Variants in ATF7IP observed in about 807,000 individuals in gnomAD.
ATF7IP encodes the protein activating transcription factor 7-interacting protein 1.
A neutral mutation model predicts 106.4 loss-of-function variants in ATF7IP; 23 were observed. The ratio of observed to expected loss-of-function variants is 0.22; its 90% CI spans 0.16 to 0.31. ATF7IP has a LOEUF of 0.31. Ranked by LOEUF, ATF7IP falls within the 10% of genes least tolerant of loss-of-function variation. The probability of loss-of-function intolerance (pLI) is 1.00; values close to 1 mark genes in which losing one functional copy is unlikely to be tolerated. For missense variants in ATF7IP, 1,334 were observed against 1,524.3 expected (o/e 0.88, Z 2.08); for synonymous variants, 542 against 539.0 (o/e 1.01, Z -0.08).
At chr12:14,403,324 G>A (rs76654603) in intron 1 of ATF7IP, among the ~76,000 whole-genome samples, 1,978 of 151,850 alleles carry the variant, frequency 0.013, 20 homozygotes, top group Middle Eastern at 0.02. Context: ...GAAAAACAGT[G>A]CAGTTTAGGA....
At chr12:14,383,082 T>C (rs1939063597) in intron 1 of ATF7IP, among the ~76,000 whole-genome samples, 1 of 152,216 alleles carries the variant, frequency 6.6e-6, no homozygotes, top group Non-Finnish European at 1.5e-5. Flanking sequence ...AGAACCAATG[T>C]GTGAAGGGAT....
At position 14,459,609 on chromosome 12, in the gene ATF7IP, G is replaced by A. The variant is rs191732462; in HGVS notation, c.2159-886G>A. 2.8e-4 allele frequency among the ~76,000 whole-genome samples: 43 copies of A among 152,252 alleles called. No homozygotes were observed. The East Asian group carries it at 7.5e-3, about 27-fold the overall frequency. On this transcript the variant is annotated intron_variant, in intron 8 of 14. Transcript: ENST00000261168. ...TTAAACAGTCAAATAATGTCTCATT[G>A]TTATGAAAATAGTTTTGACATTGCA...
Position 14,424,604 on chromosome 12 carries a change from C to T in ATF7IP, c.689C>T (p.Ala230Val), listed in dbSNP as rs750397855. The T allele has an allele frequency of 6.2e-7, 1 of 1,614,110 alleles. No individual in the cohort carries two copies. Among genetic ancestry groups the T allele is most frequent in the South Asian group, 1.1e-5 (1 of 91,082 alleles). The part of the protein sequence containing the change: ...ISGDCAADDI[A>V]SSEITSVDLA... The stretch of plus-strand genomic sequence containing the variant: ...GGTGATTGTGCCGCTGATGATATAG[C>T]CTCTAGTGAAATAACTTCTGTTGAT... The change falls in exon 2 of 15, where the codon GCC becomes GTC. Residue 230 changes from alanine (A) to valine (V), a missense_variant. Physicochemically the swap from Ala to Val is moderately conservative, Grantham distance 64. Transcript: ENST00000261168.
chr12:14,411,077 T>C (rs1359308535), intron 1 of ATF7IP, among the ~76,000 whole-genome samples: 2 of 152,236 alleles, frequency 1.3e-5, no homozygotes, highest in Non-Finnish European at 2.9e-5. Flanking sequence ...TGCGTAGTGC[T>C]TCTATAAAGC....
intron 6 of ATF7IP, among the ~76,000 whole-genome samples, chr12:14,452,823 C>T (rs561577562): frequency 3.9e-5 from 6 of 152,138 alleles, no homozygotes; most frequent in Admixed American, 2.0e-4. Context: ...TTTTTGTATG[C>T]TTCCATGATG....
At chr12:14,479,515 G>C (rs557728048) in intron 12 of ATF7IP, among the ~76,000 whole-genome samples, 2 of 152,092 alleles carry the variant, frequency 1.3e-5, no homozygotes, top group Non-Finnish European at 2.9e-5. Context: ...TTTAAGTGGG[G>C]TTTTATCCAG....
rs11613561 is a variant in ATF7IP at position 14,423,651 on chromosome 12, A to T, written c.-7-258A>T. 1,261 of 191,842 alleles carry T rather than the reference A, an allele frequency of 6.6e-3. 8 individuals carry two copies. The highest frequency in any genetic ancestry group is 9.2e-3 in the Non-Finnish European group (1,005 of 109,752). 11.9% of individuals were successfully genotyped at this position (191,842 alleles called of 1,614,324 possible). On this transcript the variant is annotated intron_variant, in intron 1 of 14. Coordinates refer to ENST00000261168, the MANE Select transcript of ATF7IP (RefSeq NM_018179.5). ...CATCTCCATACTCTGTGAATTCCAT[A>T]TTGGAAAAAAAAACTTGTCCCTTTT...
intron 1 of ATF7IP, among the ~76,000 whole-genome samples, chr12:14,377,516 C>T (rs112375569): frequency 0.021 from 3,163 of 150,036 alleles, 102 homozygotes; most frequent in African/African-American, 0.072. Context: ...CCACCATGCC[C>T]GGCTAATTGT....
intron 4 of ATF7IP, 53 bp downstream of exon 4, chr12:14,436,304 C>G: frequency 6.8e-7 from 1 of 1,481,142 alleles, no homozygotes; most frequent in South Asian, 1.2e-5. Context: ...GCACCACTAT[C>G]TTCTTCTAGG....
At chr12:14,473,167 ATC>A (rs1944117672) in intron 10 of ATF7IP, among the ~76,000 whole-genome samples, 2 of 151,342 alleles carry the variant, frequency 1.3e-5, no homozygotes, top group South Asian at 4.2e-4. Flanking sequence ...TATTCATTTC[ATC>A]TGTTTTCTTT....
chr12:14,492,890 G>A (rs190267755), intron 13 of ATF7IP, among the ~76,000 whole-genome samples: 1,491 of 149,870 alleles, frequency 9.9e-3, no homozygotes, highest in Middle Eastern at 0.039. Context: ...CAGAGATTCA[G>A]GTGCTGCCCT....
intron 6 of ATF7IP, among the ~76,000 whole-genome samples, chr12:14,454,376 T>TGCATTTGGTCTCTGAGGCTCAC: frequency 6.6e-6 from 1 of 152,342 alleles, no homozygotes; most frequent in South Asian, 2.1e-4. Flanking sequence ...TTGAGGGTCC[T>TGCATTTGGTCTCTGAGGCTCAC]GCCTTTGGTC....
intron 1 of ATF7IP, chr12:14,394,854 A>G (rs1184963502): frequency 6.6e-6 from 1 of 152,230 alleles, no homozygotes; most frequent in African/African-American, 2.4e-5. Flanking sequence ...AACTGCACAC[A>G]GTTGCTGCAG....
intron 6 of ATF7IP, among the ~76,000 whole-genome samples, chr12:14,449,100 T>C (rs1943097391): frequency 6.6e-6 from 1 of 152,176 alleles, no homozygotes; most frequent in African/African-American, 2.4e-5. Context: ...CTTTGTTTCC[T>C]TTTCTCTCGA....
In ATF7IP at chr12:14,460,803, C is replaced by T. The variant is rs1402614128; in HGVS notation, c.2467C>T (p.Pro823Ser). ...NVEFISVQSP[P>S]TVSGLTKNPV... Reference sequence around the variant, plus strand: ...TGAATTCATTTCTGTGCAAAGCCCACCTACAGTGAGTGGTCTTACCAAAAA... The same window carrying T: ...TGAATTCATTTCTGTGCAAAGCCCATCTACAGTGAGTGGTCTTACCAAAAA... The change falls in exon 9 of 15, where the codon CCT becomes TCT. Residue 823 changes from proline to serine, a missense_variant. Around this residue, in one of 10 missense-constraint regions of ATF7IP, gnomAD observed 370 missense variants for 401.2 expected, o/e 0.92. Transcript: ENST00000261168. The T allele has an allele frequency of 3.1e-6, 5 of 1,614,076 alleles. No individual in the cohort carries two copies. The Admixed American group carries it at 5.0e-5, about 16-fold the overall frequency.
intron 8 of ATF7IP, among the ~76,000 whole-genome samples, chr12:14,459,665 G>A (rs2136717096): frequency 6.6e-6 from 1 of 152,262 alleles, no homozygotes; most frequent in East Asian, 1.9e-4. Flanking sequence ...GAAAACCCCA[G>A]GCACCCCGCT....
chr12:14,476,320 G>T, intron 11 of ATF7IP: 1 of 164,818 alleles, frequency 6.1e-6, no homozygotes, highest in South Asian at 1.4e-4. Flanking sequence ...GCTGAGGCAG[G>T]AGGATAGCTT....
Position 14,427,822 on chromosome 12 carries a change from T to C in ATF7IP, c.1558+2349T>C, listed in dbSNP as rs548197233. 5.3e-5 allele frequency among the ~76,000 whole-genome samples: 8 copies of C among 152,264 alleles called. No homozygotes were observed. In the South Asian group the frequency reaches 8.3e-4, roughly 16 times the overall value. ...TCTAGAGTCCAATTCACAACTGTTA[T>C]TACTCCTGCTGCGAGTCACCATCAT... On this transcript the variant is annotated intron_variant, in intron 2 of 14. Transcript: ENST00000261168.
chr12:14,434,232 C>A, intron 2 of ATF7IP, 105 bp from the exon 3 acceptor site: 2 of 690,262 alleles, frequency 2.9e-6, no homozygotes, highest in South Asian at 2.0e-5. Context: ...ACTCTGATTT[C>A]ATAAAAGGTT....
Sources: gnomAD v4.1 joint callset for allele counts (sites outside exome capture counted in the v4.1 genomes callset) on GRCh38, gnomAD v4.1.1 for gene constraint, gnomAD v4.1.1 regional missense constraint, MANE v1.5 for transcripts, NCBI Gene and HGNC (gene_info 2026-07-23, HGNC 2026-07-21) for gene names.